AJAP1: variants seen among roughly 807,000 people sequenced by gnomAD.
AJAP1 encodes adherens junctions associated protein 1.
AJAP1 carries 5 observed loss-of-function variants against 35.0 expected under a neutral mutation model. The ratio of observed to expected loss-of-function variants is 0.14; its 90% CI spans 0.07 to 0.30. AJAP1 has a LOEUF of 0.30. AJAP1 is among the 10% of genes least tolerant of loss of function. AJAP1 has a pLI of 1.00. For synonymous variants in AJAP1, 284 were observed against 249.3 expected, an observed-to-expected ratio of 1.14 and a Z score of -1.31; for missense variants, 586 against 571.0, an observed-to-expected ratio of 1.03 and a Z score of -0.27.
intron 1 of AJAP1, among the ~76,000 whole-genome samples, chr1:4,671,781 A>G (rs955211229): frequency 6.6e-6 from 1 of 152,224 alleles, no homozygotes; most frequent in Non-Finnish European, 1.5e-5. Context: ...ACTGAGCAAA[A>G]TGGAATCCCT....
intron 1 of AJAP1, among the ~76,000 whole-genome samples, chr1:4,660,680 A>G (rs779364840): frequency 2.2e-4 from 34 of 152,142 alleles, no homozygotes; most frequent in Non-Finnish European, 3.8e-4. Flanking sequence ...GTGTATTTGT[A>G]TTTAACAGCA....
intron 2 of AJAP1, among the ~76,000 whole-genome samples, chr1:4,722,123 A>T (rs1479089387): frequency 6.6e-6 from 1 of 152,218 alleles, no homozygotes; most frequent in African/African-American, 2.4e-5. Context: ...CAACTTTCAG[A>T]GATGTTTGGG....
At chr1:4,731,076 T>C (rs943064940) in intron 2 of AJAP1, among the ~76,000 whole-genome samples, 6 of 152,126 alleles carry the variant, frequency 3.9e-5, no homozygotes, top group Non-Finnish European at 8.8e-5. Flanking sequence ...GTTTTGTTTG[T>C]TTGTTGTGTT....
chr1:4,690,126 AT>A (rs1394669154), intron 1 of AJAP1, among the ~76,000 whole-genome samples: 1 of 152,120 alleles, frequency 6.6e-6, no homozygotes, highest in African/African-American at 2.4e-5. Flanking sequence ...AGTGTGGAGC[AT>A]GGGGCGACAC....
rs1642222293 is a variant in AJAP1, at chr1:4,789,775, C to T, written c.*7290C>T. 4 of 152,620 alleles carry T rather than the reference C, an allele frequency of 2.6e-5. No individual in the cohort carries two copies. Among genetic ancestry groups the T allele is most frequent in the South Asian group, 2.1e-4 (1 of 4,826 alleles). 9.5% of individuals were successfully genotyped at this position (152,620 alleles called of 1,614,324 possible). Reference sequence around the variant, plus strand: ...GGGAGGAGCAAGAACACTACGCAGTCGTAAGCTCTGTTTTTTGTTTTGTTT... The same window carrying T: ...GGGAGGAGCAAGAACACTACGCAGTTGTAAGCTCTGTTTTTTGTTTTGTTT... On this transcript the variant is annotated 3_prime_UTR_variant, in exon 6 of 6. Coordinates refer to ENST00000378191, the MANE Select transcript of AJAP1 (RefSeq NM_018836.4). This position sits in a 1 kb window ranked among gnomAD's most constrained non-coding sequence, Gnocchi z 4.4.
At chr1:4,671,866 G>A (rs769176600) in intron 1 of AJAP1, among the ~76,000 whole-genome samples, 34 of 152,274 alleles carry the variant, frequency 2.2e-4, no homozygotes, top group Non-Finnish European at 4.3e-4. Flanking sequence ...TTTTATTGTC[G>A]TGGTTTAGCC....
Position 4,681,499 on chromosome 1 carries a change from C to T in AJAP1, c.29+26045C>T, listed in dbSNP as rs140644600. 6.6e-3 allele frequency among the ~76,000 whole-genome samples: 999 copies of T among 152,292 alleles called. 9 individuals carry two copies. Among genetic ancestry groups the T allele is most frequent in the African/African-American group, 0.022 (896 of 41,550 alleles). ...TAGGCAGTAATTTGTGTGCCTTTCTCGGGCTCTGGGCTTCTGGCCTGCAGA... is the reference window on the plus strand; with the variant it reads ...TAGGCAGTAATTTGTGTGCCTTTCTTGGGCTCTGGGCTTCTGGCCTGCAGA... On this transcript the variant is annotated intron_variant, in intron 1 of 5. Coordinates refer to ENST00000378191, the MANE Select transcript of AJAP1 (RefSeq NM_018836.4).
At chr1:4,671,641 T>C (rs1489732607) in intron 1 of AJAP1, among the ~76,000 whole-genome samples, 1 of 152,048 alleles carries the variant, frequency 6.6e-6, no homozygotes, top group Non-Finnish European at 1.5e-5. Context: ...ACACACCTCT[T>C]CCAGTCCTGT....
chr1:4,782,437 C>G lies in AJAP1; in HGVS notation c.*60-108C>G. 1 of 257,288 alleles carries G rather than the reference C, an allele frequency of 3.9e-6. No individual in the cohort carries two copies. The highest frequency in any genetic ancestry group is 7.3e-6 in the Non-Finnish European group (1 of 136,538). 15.9% of individuals were successfully genotyped at this position (257,288 alleles called of 1,614,324 possible). ...CGATAAAGGGAGTGATCGGGCTCTG[C>G]ATGCGGGGGTGCTGCGTGTGGGGGT... On this transcript the variant is annotated intron_variant, in intron 5 of 5. Transcript: ENST00000378191. The surrounding 1 kb of genome is among the most constrained non-coding windows in gnomAD (Gnocchi z 5.3).
chr1:4,711,493 G>A lies in AJAP1; in HGVS notation c.30-407G>A, dbSNP rs147405463. ...CCGCTGCTGCCATCCTCTCACTTAC[G>A]TCCTCTCGTCGTGTGATGGGCAAAA... On this transcript the variant is annotated intron_variant, in intron 1 of 5. Coordinates refer to ENST00000378191, the MANE Select transcript of AJAP1 (RefSeq NM_018836.4). Among the ~76,000 whole-genome samples, 777 of 152,318 alleles carry A rather than the reference G, an allele frequency of 5.1e-3. 37 individuals carry two copies. The South Asian group carries it at 0.13, about 25-fold the overall frequency.
intron 2 of AJAP1, among the ~76,000 whole-genome samples, chr1:4,751,262 T>C (rs1200175207): frequency 2.0e-5 from 3 of 152,276 alleles, no homozygotes; most frequent in African/African-American, 7.2e-5. Context: ...CTGGACACCT[T>C]CGTCCAGCAC....
intron 2 of AJAP1, among the ~76,000 whole-genome samples, chr1:4,727,106 T>A (rs975541603): frequency 6.6e-6 from 1 of 152,172 alleles, no homozygotes; most frequent in Non-Finnish European, 1.5e-5. Flanking sequence ...CCGCCGTGAG[T>A]CATCAGCTCG....
intron 2 of AJAP1, among the ~76,000 whole-genome samples, chr1:4,758,359 G>A (rs1016639727): frequency 1.3e-5 from 2 of 152,120 alleles, no homozygotes; most frequent in Non-Finnish European, 2.9e-5. Flanking sequence ...AGAAATACCC[G>A]AGACTGGGTA....
rs1048006574 is a variant in AJAP1, at chr1:4,735,899, C to T, written c.829+23200C>T. Among the ~76,000 whole-genome samples the T allele has an allele frequency of 7.9e-5, 12 of 152,332 alleles. No individual in the cohort carries two copies. In the East Asian group the frequency reaches 9.7e-4, roughly 12 times the overall value. The stretch of plus-strand genomic sequence containing the variant: ...GGGGCCCGCCTCCTGAGGGTCTCCA[C>T]GGTGATCTTCAGCCTTTGCCATTGC... On this transcript the variant is annotated intron_variant, in intron 2 of 5. Coordinates refer to ENST00000378191, the MANE Select transcript of AJAP1 (RefSeq NM_018836.4).
chr1:4,696,014 T>C (rs1387244461), intron 1 of AJAP1, among the ~76,000 whole-genome samples: 1 of 152,136 alleles, frequency 6.6e-6, no homozygotes, highest in Non-Finnish European at 1.5e-5. Flanking sequence ...ACTTTCTAGA[T>C]AATCACAGTA....
At chr1:4,761,518 A>G (rs1475245874) in intron 2 of AJAP1, among the ~76,000 whole-genome samples, 1 of 152,256 alleles carries the variant, frequency 6.6e-6, no homozygotes, top group Non-Finnish European at 1.5e-5. Context: ...CCATGATGCC[A>G]TGGCCATTGG....
chr1:4,714,502 C>G (rs1640343449), intron 2 of AJAP1, among the ~76,000 whole-genome samples: 1 of 152,144 alleles, frequency 6.6e-6, no homozygotes, highest in Admixed American at 6.5e-5. Context: ...CCCATTTATT[C>G]CAAATTACAT....
intron 1 of AJAP1, among the ~76,000 whole-genome samples, chr1:4,709,113 G>C (rs1182557460): frequency 6.6e-6 from 1 of 152,202 alleles, no homozygotes; most frequent in Non-Finnish European, 1.5e-5. Flanking sequence ...AGGCAGGCAC[G>C]GGCTTAGGTG....
At chr1:4,755,316 A>T (rs950006265) in intron 2 of AJAP1, among the ~76,000 whole-genome samples, 1 of 152,178 alleles carries the variant, frequency 6.6e-6, no homozygotes, top group African/African-American at 2.4e-5. Flanking sequence ...GGACTCTCAC[A>T]TGTCCCCCTC....
Sources: gnomAD v4.1 joint callset for allele counts (sites outside exome capture counted in the v4.1 genomes callset) on GRCh38, gnomAD v4.1.1 for gene constraint, Gnocchi (gnomAD v3.1) non-coding constraint, MANE v1.5 for transcripts, NCBI Gene and HGNC (gene_info 2026-07-23, HGNC 2026-07-21) for gene names.